PLCB1: variants seen among roughly 807,000 people sequenced by gnomAD.
PLCB1 encodes 1-phosphatidylinositol 4,5-bisphosphate phosphodiesterase beta-1.
In PLCB1, 46 loss-of-function variants were observed where a neutral mutation model predicts 161.8. That is an observed-to-expected ratio of 0.28 (90% CI 0.22 to 0.36). The LOEUF (loss-of-function observed/expected upper bound fraction) is 0.36, where lower values mean the gene tolerates loss of function less well. Among genes scored for constraint, PLCB1 ranks in the 10% least tolerant of loss-of-function variants. The probability of loss-of-function intolerance (pLI) is 1.00; values close to 1 mark genes in which losing one functional copy is unlikely to be tolerated. For missense variants in PLCB1, 1,016 were observed against 1,472.5 expected, an observed-to-expected ratio of 0.69 and a Z score of 5.07; for synonymous variants, 517 against 503.7, an observed-to-expected ratio of 1.03 and a Z score of -0.35.
rs587780417 is a variant in PLCB1, at chr20:8,790,186, G to T, written c.3348G>T (p.Ala1116=). 3.1e-6 allele frequency: 5 copies of T among 1,609,468 alleles called. No individual in the cohort carries two copies. In the Admixed American group the frequency reaches 5.0e-5, roughly 16 times the overall value. The part of the protein sequence containing the change: ...VVQYIKRLEE[A]QSKRQEKLVE... ...TAACTTTCTTATAGCTAGAAGAAGC[G>T]CAAAGTAAACGGCAAGAAAAACTCG... Residue 1116 remains alanine (A), a synonymous_variant, in exon 31 of 32, where the codon GCG becomes GCT. Coordinates refer to ENST00000338037, the MANE Select transcript of PLCB1 (RefSeq NM_015192.4).
chr20:8,315,222 G>A (rs186418394), intron 2 of PLCB1, among the ~76,000 whole-genome samples: 18 of 152,244 alleles, frequency 1.2e-4, no homozygotes, highest in Middle Eastern at 3.4e-3. Flanking sequence ...ATGTCTGACC[G>A]AGGAAGTAAC....
chr20:8,483,109 A>G (rs1299505396), intron 3 of PLCB1, among the ~76,000 whole-genome samples: 1 of 152,206 alleles, frequency 6.6e-6, no homozygotes, highest in Non-Finnish European at 1.5e-5. Flanking sequence ...TTAAGAGCAC[A>G]ATTCTCCAAA....
chr20:8,596,373 CTTGT>C (rs1987349608), intron 3 of PLCB1, among the ~76,000 whole-genome samples: 1 of 77,270 alleles, frequency 1.3e-5, no homozygotes, highest in Non-Finnish European at 2.6e-5. Context: ...TTCCCCATTG[CTTGT>C]TTTTCTCAGG....
At chr20:8,192,666 C>T (rs1403201093) in intron 2 of PLCB1, among the ~76,000 whole-genome samples, 1 of 151,626 alleles carries the variant, frequency 6.6e-6, no homozygotes, top group Admixed American at 6.6e-5. Flanking sequence ...ATAAGTGGCA[C>T]CAGTGTAAGT....
intron 2 of PLCB1, among the ~76,000 whole-genome samples, chr20:8,364,095 A>G (rs1986628946): frequency 6.6e-6 from 1 of 152,118 alleles, no homozygotes; most frequent in South Asian, 2.1e-4. Context: ...CAGACTCTTT[A>G]GATTAAAAAG....
chr20:8,795,890 A>AAAAAAAG (rs1555791244), intron 31 of PLCB1, among the ~76,000 whole-genome samples: 6 of 139,792 alleles, frequency 4.3e-5, no homozygotes, highest in Non-Finnish European at 9.1e-5. Flanking sequence ...AAAAAAAAAA[A>AAAAAAAG]AAAAGAAAAG....
intron 3 of PLCB1, among the ~76,000 whole-genome samples, chr20:8,382,276 T>C (rs944097103): frequency 1.4e-5 from 2 of 146,078 alleles, no homozygotes; most frequent in African/African-American, 5.1e-5. Context: ...TGAGTGAGTT[T>C]CTTTTTCTTT....
intron 3 of PLCB1, among the ~76,000 whole-genome samples, chr20:8,490,586 A>G (rs577556995): frequency 6.6e-6 from 1 of 152,238 alleles, no homozygotes; most frequent in South Asian, 2.1e-4. Context: ...CTGTCCCACT[A>G]GCAGTGTATG....
intron 2 of PLCB1, among the ~76,000 whole-genome samples, chr20:8,308,442 C>T (rs988923692): frequency 1.3e-5 from 2 of 151,428 alleles, no homozygotes; most frequent in Non-Finnish European, 2.9e-5. Context: ...CATGGTGAAA[C>T]CCTCTCTCTA....
intron 2 of PLCB1, among the ~76,000 whole-genome samples, chr20:8,307,003 G>A (rs1342060253): frequency 1.3e-5 from 2 of 152,202 alleles, no homozygotes; most frequent in African/African-American, 4.8e-5. Flanking sequence ...TCATTCAAAT[G>A]ACTTCAGGAA....
intron 2 of PLCB1, among the ~76,000 whole-genome samples, chr20:8,288,733 C>G (rs571668233): frequency 6.6e-6 from 1 of 152,124 alleles, no homozygotes; most frequent in African/African-American, 2.4e-5. Context: ...GCAATGGCCC[C>G]GTGAAGGGAA....
chr20:8,247,641 A>AACACACACACACAC (rs113727213), intron 2 of PLCB1, among the ~76,000 whole-genome samples: 15 of 147,354 alleles, frequency 1.0e-4, no homozygotes, highest in African/African-American at 3.7e-4. Flanking sequence ...CATACACGCA[A>AACACACACACACAC]ACACACACAC....
intron 3 of PLCB1, among the ~76,000 whole-genome samples, chr20:8,463,314 G>C (rs1302562499): frequency 1.3e-5 from 2 of 151,980 alleles, no homozygotes; most frequent in South Asian, 4.1e-4. Context: ...GAGACCTTCT[G>C]TGTACCCTTC....
intron 3 of PLCB1, among the ~76,000 whole-genome samples, chr20:8,404,283 A>G (rs1031902153): frequency 6.6e-6 from 1 of 152,164 alleles, no homozygotes; most frequent in Non-Finnish European, 1.5e-5. Context: ...GCACAAAGCC[A>G]TTTTTCCTCA....
At chr20:8,317,472 A>T (rs1984710190) in intron 2 of PLCB1, among the ~76,000 whole-genome samples, 1 of 152,110 alleles carries the variant, frequency 6.6e-6, no homozygotes, top group Non-Finnish European at 1.5e-5. Flanking sequence ...AGTGTTTGGC[A>T]CAAGCTAGTA....
chr20:8,444,842 G>A (rs1024470087), intron 3 of PLCB1, among the ~76,000 whole-genome samples: 4 of 151,368 alleles, frequency 2.6e-5, no homozygotes, highest in African/African-American at 9.7e-5. Flanking sequence ...CTGCATAAAT[G>A]TCTTCTTTTG....
intron 3 of PLCB1, among the ~76,000 whole-genome samples, chr20:8,587,415 A>G (rs757514589): frequency 2.6e-5 from 4 of 152,174 alleles, no homozygotes; most frequent in African/African-American, 7.2e-5. Context: ...ATGTAATATC[A>G]TAATGACCCA....
At chr20:8,865,355 C>T (rs1987392015) in intron 31 of PLCB1, among the ~76,000 whole-genome samples, 1 of 152,050 alleles carries the variant, frequency 6.6e-6, no homozygotes, top group Non-Finnish European at 1.5e-5. Flanking sequence ...TTTAAGAGGC[C>T]ATCCTTATGG....
intron 2 of PLCB1, among the ~76,000 whole-genome samples, chr20:8,359,308 G>A (rs1986464152): frequency 6.6e-6 from 1 of 152,032 alleles, no homozygotes; most frequent in Admixed American, 6.5e-5. Context: ...AATGAATTAT[G>A]TTTATCAACT....
Sources: allele counts gnomAD v4.1 joint callset (sites outside exome capture counted in the v4.1 genomes callset), GRCh38; gene constraint gnomAD v4.1.1; transcripts MANE v1.5; gene names NCBI Gene and HGNC (gene_info 2026-07-23, HGNC 2026-07-21).